MYBPC1: variants seen among roughly 807,000 people sequenced by gnomAD.
The protein encoded by MYBPC1 is myosin binding protein C1, also known as myosin-binding protein C, slow-type.
A neutral mutation model predicts 147.1 loss-of-function variants in MYBPC1; 52 were observed. That is an observed-to-expected ratio of 0.35 (90% confidence interval 0.28 to 0.45). The LOEUF (loss-of-function observed/expected upper bound fraction) is 0.45. MYBPC1 is among the 20% of genes least tolerant of loss of function. The pLI is 1.00. For synonymous variants in MYBPC1, 477 were observed against 475.9 expected, an observed-to-expected ratio of 1.00 and a Z score of -0.03; for missense variants, 1,228 against 1,440.3, an observed-to-expected ratio of 0.85 and a Z score of 2.39.
intron 3 of MYBPC1, among the ~76,000 whole-genome samples, chr12:101,618,023 AC>A (rs1886529728): frequency 6.6e-6 from 1 of 152,184 alleles, no homozygotes; most frequent in South Asian, 2.1e-4. Flanking sequence ...TTAAAAGTGA[AC>A]CTTTTATTTG....
At chr12:101,682,477 C>A in intron 29 of MYBPC1, 127 bp from the exon 30 acceptor site, 2 of 840,202 alleles carry the variant, frequency 2.4e-6, no homozygotes, top group South Asian at 3.1e-5. Flanking sequence ...AAAAGTAAAG[C>A]TGAAATTGTT....
At chr12:101,605,207 C>T (rs1186712043) in intron 1 of MYBPC1, among the ~76,000 whole-genome samples, 1 of 152,186 alleles carries the variant, frequency 6.6e-6, no homozygotes, top group Admixed American at 6.5e-5. Context: ...TTACTAGACA[C>T]TATTGCCCTT....
chr12:101,666,958 G>A (rs1897604475), intron 22 of MYBPC1, among the ~76,000 whole-genome samples: 1 of 151,186 alleles, frequency 6.6e-6, no homozygotes, highest in South Asian at 2.1e-4. Flanking sequence ...TAGAGATGGG[G>A]GAGAGGGAGC....
At chr12:101,682,908 C>T (rs1485613874) in intron 30 of MYBPC1, among the ~76,000 whole-genome samples, 1 of 152,128 alleles carries the variant, frequency 6.6e-6, no homozygotes, top group Non-Finnish European at 1.5e-5. Flanking sequence ...TGAATAAAGC[C>T]AGAAAGCTAC....
At chr12:101,640,268 T>A (rs1285856306) in intron 10 of MYBPC1, among the ~76,000 whole-genome samples, 1 of 152,164 alleles carries the variant, frequency 6.6e-6, no homozygotes, top group East Asian at 1.9e-4. Context: ...CACCTCAGCC[T>A]CCTAAAGTGC....
At position 101,675,436 on chromosome 12, in the gene MYBPC1, G is replaced by A; in HGVS notation, c.2949+5G>A. The A allele has an allele frequency of 6.2e-7, 1 of 1,614,124 alleles. No homozygotes were observed. The highest frequency in any genetic ancestry group is 8.5e-7 in the Non-Finnish European group (1 of 1,179,984). On this transcript the variant is annotated splice_donor_5th_base_variant and intron_variant, in intron 26 of 31. Coordinates refer to ENST00000361466, the MANE Select transcript of MYBPC1 (RefSeq NM_002465.4). ...AAGGCTGACAAGAAGAGCATGGTAAGGTCTGGCTTTCTCTGGTTCATCAGT... is the reference window on the plus strand; with the variant it reads ...AAGGCTGACAAGAAGAGCATGGTAAAGTCTGGCTTTCTCTGGTTCATCAGT...
chr12:101,670,062 G>A lies in MYBPC1; in HGVS notation c.2525-259G>A, dbSNP rs1006823692. On this transcript the variant is annotated intron_variant, in intron 23 of 31. Coordinates refer to ENST00000361466, the MANE Select transcript of MYBPC1 (RefSeq NM_002465.4). ...AATAAAAATACAAAGTTGCAATAAA[G>A]CCAAGGATGTCAGGGATAAATTTTG... The A allele has an allele frequency of 1.1e-5, 6 of 555,180 alleles. No individual in the cohort carries two copies. The African/African-American group carries it at 1.1e-4, about 11-fold the overall frequency. 34.4% of individuals were successfully genotyped at this position (555,180 alleles called of 1,614,324 possible). A position where few individuals can be genotyped will look rare whatever the true frequency, so the allele number is the denominator to read the frequency against.
chr12:101,673,011 T>A lies in MYBPC1; in HGVS notation c.2614-416T>A, dbSNP rs1403160087. On this transcript the variant is annotated intron_variant, in intron 24 of 31. Transcript: ENST00000361466. ...TGCCCAGGGTCACACAGACGTTAAG[T>A]GGTCAGGAGCTAGACATAGATTCCA... Among the ~76,000 whole-genome samples the A allele has an allele frequency of 2.0e-5, 3 of 152,200 alleles. No homozygotes were observed. In the East Asian group the frequency reaches 5.8e-4, roughly 29 times the overall value.
chr12:101,635,334 A>G (rs1890774418), intron 9 of MYBPC1, among the ~76,000 whole-genome samples: 1 of 152,164 alleles, frequency 6.6e-6, no homozygotes, highest in Non-Finnish European at 1.5e-5. Flanking sequence ...TCTTCCGAAG[A>G]CTGAATCCAC....
rs150044668 is a variant in MYBPC1 at position 101,620,242 on chromosome 12, C to G, written c.103+2999C>G. Among the ~76,000 whole-genome samples, 606 of 152,324 alleles carry G rather than the reference C, an allele frequency of 4.0e-3. 6 individuals carry two copies. Among genetic ancestry groups the G allele is most frequent in the African/African-American group, 0.014 (587 of 41,568 alleles). The stretch of plus-strand genomic sequence containing the variant: ...CCTTTAGAGGAATCATACCAGGAGG[C>G]AATGCCTTTATACAAATAACGCTGT... On this transcript the variant is annotated intron_variant, in intron 3 of 31. Coordinates refer to ENST00000361466, the MANE Select transcript of MYBPC1 (RefSeq NM_002465.4).
At chr12:101,678,957 G>A (rs550619384) in intron 28 of MYBPC1, among the ~76,000 whole-genome samples, 5 of 152,096 alleles carry the variant, frequency 3.3e-5, no homozygotes, top group Admixed American at 2.6e-4. Context: ...TCAGGAGTTC[G>A]AGACCAGCCT....
Position 101,612,497 on chromosome 12 carries a change from G to A in MYBPC1, c.26-1999G>A, listed in dbSNP as rs1053072012. 3.9e-5 allele frequency among the ~76,000 whole-genome samples: 6 copies of A among 152,174 alleles called. No homozygotes were observed. The East Asian group carries it at 5.8e-4, about 15-fold the overall frequency. On this transcript the variant is annotated intron_variant, in intron 1 of 31. Coordinates refer to ENST00000361466, the MANE Select transcript of MYBPC1 (RefSeq NM_002465.4). ...GTAGTAAGAGAAGGGAGAGAAAGAA[G>A]TGCCCATGAACAACGGCTTTGAATG...
chr12:101,676,496 T>C (rs1900016804), intron 26 of MYBPC1, among the ~76,000 whole-genome samples: 1 of 152,156 alleles, frequency 6.6e-6, no homozygotes, highest in African/African-American at 2.4e-5. Context: ...GGCTCATACC[T>C]GTAGTCCCAG....
intron 1 of MYBPC1, among the ~76,000 whole-genome samples, chr12:101,608,649 C>T (rs1883153283): frequency 1.3e-5 from 2 of 152,222 alleles, no homozygotes; most frequent in South Asian, 4.1e-4. Context: ...GTGTTATTTG[C>T]TAAGAAACTG....
At position 101,659,665 on chromosome 12, in the gene MYBPC1, T is replaced by G. The variant is rs1565974741; in HGVS notation, c.1768-7T>G. ...ATCATGCCACATTTTGTTTCTCCACTTCTTAGGCTATTATGGAAGGCAGTG... is the reference window on the plus strand; with the variant it reads ...ATCATGCCACATTTTGTTTCTCCACGTCTTAGGCTATTATGGAAGGCAGTG... On this transcript the variant is annotated splice_polypyrimidine_tract_variant and splice_region_variant and intron_variant, in intron 18 of 31. Transcript: ENST00000361466. 37 of 1,614,106 alleles carry G rather than the reference T, an allele frequency of 2.3e-5. No individual in the cohort carries two copies. Among genetic ancestry groups the G allele is most frequent in the Non-Finnish European group, 3.1e-5 (37 of 1,179,956 alleles).
In MYBPC1 at chr12:101,667,081, C is replaced by T. The variant is rs11110947; in HGVS notation, c.2357-651C>T. Among the ~76,000 whole-genome samples, 6,349 of 152,162 alleles carry T rather than the reference C, an allele frequency of 0.042. 346 individuals are homozygous for T. Among genetic ancestry groups the T allele is most frequent in the East Asian group, 0.25 (1,282 of 5,180 alleles). On this transcript the variant is annotated intron_variant, in intron 22 of 31. Coordinates refer to ENST00000361466, the MANE Select transcript of MYBPC1 (RefSeq NM_002465.4). ...CCTGAATGCTGGGTTAAAATTCTCT[C>T]GATGTGATACACAAGCTGCCAAAAA...
chr12:101,605,745 C>G (rs1331308726), intron 1 of MYBPC1, among the ~76,000 whole-genome samples: 1 of 152,122 alleles, frequency 6.6e-6, no homozygotes, highest in Admixed American at 6.6e-5. Context: ...CCGTGTAATT[C>G]CAGCTACTCA....
At chr12:101,629,766 A>G (rs531776891) in intron 6 of MYBPC1, among the ~76,000 whole-genome samples, 4 of 151,960 alleles carry the variant, frequency 2.6e-5, no homozygotes, top group African/African-American at 9.7e-5. Context: ...TCAGCTACTC[A>G]GGAGGCAGAG....
intron 15 of MYBPC1, 168 bp from the exon 16 acceptor site, chr12:101,651,055 GAAATTGTA>G (rs1275072097): frequency 1.1e-5 from 8 of 746,384 alleles, no homozygotes; most frequent in Non-Finnish European, 1.8e-5. Flanking sequence ...TCTAAGGAAT[GAAATTGTA>G]CAGAATCAAA....
Sources: gnomAD v4.1 joint callset for allele counts (sites outside exome capture counted in the v4.1 genomes callset) on GRCh38, gnomAD v4.1.1 for gene constraint, MANE v1.5 for transcripts, NCBI Gene and HGNC (gene_info 2026-07-23, HGNC 2026-07-21) for gene names.